The following TENM3 variants were observed in gnomAD, a reference collection of about 807,000 sequenced individuals.
The protein encoded by TENM3 is teneurin transmembrane protein 3.
A neutral mutation model predicts 255.1 loss-of-function variants in TENM3; 63 were observed. The ratio of observed to expected loss-of-function variants is 0.25; its 90% CI spans 0.20 to 0.30. The LOEUF is 0.30. Ranked by LOEUF, TENM3 falls within the 10% of genes least tolerant of loss-of-function variation. The pLI, the probability that TENM3 is intolerant of heterozygous loss-of-function variation, is 1.00. For synonymous variants in TENM3, 1,306 were observed against 1,322.3 expected (o/e 0.99, Z 0.27); for missense variants, 2,929 against 3,461.1 (o/e 0.85, Z 3.86).
chr4:182,681,426 T>G (rs970880322), intron 10 of TENM3, among the ~76,000 whole-genome samples: 2 of 152,188 alleles, frequency 1.3e-5, no homozygotes, highest in African/African-American at 4.8e-5. Flanking sequence ...AGTATGCAAC[T>G]CATTTATTTC....
chr4:182,254,792 T>A (rs1413083023), intron 1 of TENM3, among the ~76,000 whole-genome samples: 1 of 152,156 alleles, frequency 6.6e-6, no homozygotes. Flanking sequence ...AGACATGTAA[T>A]GAAAACAATA....
intron 11 of TENM3, 74 bp downstream of exon 11, chr4:182,682,088 C>T: frequency 1.6e-6 from 2 of 1,258,264 alleles, no homozygotes; most frequent in Admixed American, 4.0e-5. Context: ...AATCTTTAAA[C>T]CTCCCTTTTT....
At chr4:182,719,292 C>T (rs1202022522) in intron 13 of TENM3, among the ~76,000 whole-genome samples, 4 of 108,486 alleles carry the variant, frequency 3.7e-5, no homozygotes, top group South Asian at 3.4e-4. Flanking sequence ...GACGGAGTCT[C>T]GCTCTGTCTC....
At chr4:181,606,598 T>C in the TENM3 span, among the ~76,000 whole-genome samples, 1 of 152,162 alleles carries the variant, frequency 6.6e-6, no homozygotes, top group Admixed American at 6.5e-5. Flanking sequence ...AATGGATCCA[T>C]GGCCTCACAT....
At chr4:181,938,799 A>G in the TENM3 span, among the ~76,000 whole-genome samples, 1 of 152,236 alleles carries the variant, frequency 6.6e-6, no homozygotes, top group Admixed American at 6.5e-5. Context: ...AGCTAAAGCA[A>G]TATTTCAACC....
intron 11 of TENM3, among the ~76,000 whole-genome samples, chr4:182,685,677 C>T (rs112991965): frequency 3.3e-5 from 5 of 152,032 alleles, no homozygotes; most frequent in African/African-American, 1.2e-4. Flanking sequence ...GTTCAGGTCT[C>T]TTAGGCCTCC....
the TENM3 span, among the ~76,000 whole-genome samples, chr4:181,732,570 A>G: frequency 2.0e-5 from 3 of 152,174 alleles, no homozygotes; most frequent in African/African-American, 7.2e-5. Context: ...TTATATTTAT[A>G]TAGTTATCAA....
the TENM3 span, among the ~76,000 whole-genome samples, chr4:181,920,082 C>T: frequency 6.6e-6 from 1 of 151,892 alleles, no homozygotes; most frequent in Non-Finnish European, 1.5e-5. Context: ...TTTATGGCTG[C>T]ATAGTATTCC....
the TENM3 span, among the ~76,000 whole-genome samples, chr4:181,887,536 G>A: frequency 6.6e-6 from 1 of 152,092 alleles, no homozygotes; most frequent in Non-Finnish European, 1.5e-5. Flanking sequence ...CTTCACTGGA[G>A]TGAATGCTCC....
chr4:181,854,926 G>A, the TENM3 span, among the ~76,000 whole-genome samples: 2 of 152,114 alleles, frequency 1.3e-5, no homozygotes, highest in Non-Finnish European at 2.9e-5. Context: ...TTGGAATATT[G>A]GCAAGAATGG....
the TENM3 span, among the ~76,000 whole-genome samples, chr4:181,787,532 G>C: frequency 6.6e-6 from 1 of 151,940 alleles, no homozygotes; most frequent in Non-Finnish European, 1.5e-5. Flanking sequence ...TAGAGATGAG[G>C]TTTCACCATG....
At chr4:181,778,963 A>G in the TENM3 span, among the ~76,000 whole-genome samples, 1 of 152,156 alleles carries the variant, frequency 6.6e-6, no homozygotes, top group Non-Finnish European at 1.5e-5. Context: ...AAGCAGAAGG[A>G]ATAAGAGTCT....
At chr4:181,964,431 C>T in the TENM3 span, among the ~76,000 whole-genome samples, 9 of 152,116 alleles carry the variant, frequency 5.9e-5, no homozygotes, top group African/African-American at 2.2e-4. Flanking sequence ...CTTTTTCATA[C>T]ACGTTCTGTT....
At chr4:182,422,005 A>G (rs1310681487) in intron 3 of TENM3, among the ~76,000 whole-genome samples, 1 of 151,964 alleles carries the variant, frequency 6.6e-6, no homozygotes. Context: ...CTGTGGTTAG[A>G]AAAAAAACTG....
chr4:182,467,754 T>A (rs17073341), intron 3 of TENM3, among the ~76,000 whole-genome samples: 10,188 of 152,180 alleles, frequency 0.067, 452 homozygotes, highest in African/African-American at 0.12. Context: ...TGAACTATAA[T>A]GACATGGAAT....
chr4:182,342,428 AG>A (rs1403895856), intron 2 of TENM3, among the ~76,000 whole-genome samples: 1 of 144,716 alleles, frequency 6.9e-6, no homozygotes, highest in Non-Finnish European at 1.5e-5. Flanking sequence ...ATGTCCAGGA[AG>A]GGAAGTAGAT....
At chr4:181,509,455 C>T in the TENM3 span, among the ~76,000 whole-genome samples, 1 of 151,924 alleles carries the variant, frequency 6.6e-6, no homozygotes, top group Non-Finnish European at 1.5e-5. Flanking sequence ...CTTCGGGCTT[C>T]CTTCCAACAC....
intron 3 of TENM3, among the ~76,000 whole-genome samples, chr4:182,596,812 G>A (rs1747283842): frequency 6.6e-6 from 1 of 152,206 alleles, no homozygotes; most frequent in Non-Finnish European, 1.5e-5. Context: ...GACATGTTCA[G>A]AGGTATGTTG....
chr4:181,727,030 C>T, the TENM3 span, among the ~76,000 whole-genome samples: 1 of 152,174 alleles, frequency 6.6e-6, no homozygotes, highest in East Asian at 1.9e-4. Flanking sequence ...CGTCACCCTC[C>T]AGGAACCTTC....
Sources: gnomAD v4.1 joint callset for allele counts (sites outside exome capture counted in the v4.1 genomes callset) on GRCh38, gnomAD v4.1.1 for gene constraint, MANE v1.5 for transcripts, NCBI Gene and HGNC (gene_info 2026-07-23, HGNC 2026-07-21) for gene names.